BFSP1: variants seen among roughly 807,000 people sequenced by gnomAD.
The protein encoded by BFSP1 is filensin.
In BFSP1, 38 loss-of-function variants were observed where a neutral mutation model predicts 43.9. The ratio of observed to expected loss-of-function variants is 0.87; its 90% CI spans 0.67 to 1.14. The LOEUF (loss-of-function observed/expected upper bound fraction) is 1.14, where lower values mean the gene tolerates loss of function less well. Among genes scored for constraint, BFSP1 ranks in the 50% most tolerant of loss-of-function variants. BFSP1 has a pLI of 0.00. For synonymous variants in BFSP1, 352 were observed against 354.8 expected, an observed-to-expected ratio of 0.99 and a Z score of 0.09; for missense variants, 850 against 875.1, an observed-to-expected ratio of 0.97 and a Z score of 0.36.
chr20:17,525,931 G>C lies in BFSP1; in HGVS notation c.378-1023C>G, dbSNP rs746653601. On this transcript the variant is annotated intron_variant, in intron 1 of 7. Coordinates refer to ENST00000377873, the MANE Select transcript of BFSP1 (RefSeq NM_001195.5). This position sits in a 1 kb window ranked among gnomAD's most constrained non-coding sequence, Gnocchi z 4.2. Reference sequence around the variant, plus strand: ...AAGTAATGGTGTATGTGTGCCCTTTGCTTCTCATTTTCCATCCCTCCCTCC... The same window carrying C: ...AAGTAATGGTGTATGTGTGCCCTTTCCTTCTCATTTTCCATCCCTCCCTCC... Among the ~76,000 whole-genome samples, 3 of 151,954 alleles carry C rather than the reference G, an allele frequency of 2.0e-5. No individual in the cohort carries two copies. Among genetic ancestry groups the C allele is most frequent in the Non-Finnish European group, 4.4e-5 (3 of 68,022 alleles).
At chr20:17,529,663 A>G (rs993064534) in intron 1 of BFSP1, among the ~76,000 whole-genome samples, 1 of 152,192 alleles carries the variant, frequency 6.6e-6, no homozygotes, top group Admixed American at 6.5e-5. Flanking sequence ...TGGAGGAAGC[A>G]CCTGTCTCCT....
At chr20:17,556,873 T>C (rs2035000875) in intron 1 of BFSP1, among the ~76,000 whole-genome samples, 1 of 152,214 alleles carries the variant, frequency 6.6e-6, no homozygotes, top group African/African-American at 2.4e-5. Flanking sequence ...GATAAATCTG[T>C]ATTTTTTTAA....
chr20:17,530,440 T>A (rs1450016937), intron 1 of BFSP1, among the ~76,000 whole-genome samples: 1 of 152,256 alleles, frequency 6.6e-6, no homozygotes, highest in Non-Finnish European at 1.5e-5. Flanking sequence ...ACCAATGTGC[T>A]GAGCAAAAGA....
At chr20:17,533,445 G>C (rs770071565), upstream of BFSP1, among the ~76,000 whole-genome samples, 20 of 151,552 alleles carry the variant, frequency 1.3e-4, no homozygotes, top group Non-Finnish European at 2.5e-4. Context: ...ATTCCCTGGG[G>C]CTGGGAGCTC....
intron 1 of BFSP1, among the ~76,000 whole-genome samples, chr20:17,557,051 C>T (rs2035004053): frequency 6.6e-6 from 1 of 152,170 alleles, no homozygotes; most frequent in African/African-American, 2.4e-5. Flanking sequence ...CTGCTGCCTC[C>T]CTGGCTGCCA....
At position 17,507,780 on chromosome 20, in the gene BFSP1, G is replaced by A. The variant is rs56884737; in HGVS notation, c.735+1109C>T. On this transcript the variant is annotated intron_variant, in intron 5 of 7. Transcript: ENST00000377873. This position sits in a 1 kb window ranked among gnomAD's most constrained non-coding sequence, Gnocchi z 4.4. ...GCCAGGGTTTGTCTCACAAGAAGGAGGAGTTTTAAGTGCCTTACTTGGTTC... is the reference window on the plus strand; with the variant it reads ...GCCAGGGTTTGTCTCACAAGAAGGAAGAGTTTTAAGTGCCTTACTTGGTTC... 0.032 allele frequency among the ~76,000 whole-genome samples: 4,830 copies of A among 152,268 alleles called. 187 individuals carry two copies. Among genetic ancestry groups the A allele is most frequent in the South Asian group, 0.11 (509 of 4,820 alleles).
rs754162101 is a variant in BFSP1, at chr20:17,494,225, G to A, written c.1847C>T (p.Ala616Val). The change falls in exon 8 of 8, where the codon GCT (alanine) becomes GTT (valine). Residue 616 changes from alanine to valine, a missense_variant. Transcript: ENST00000377873. ...RSLPEKGPPK[A>V]LAYKTVEVVE... ...CACTTCCACTGTCTTATAGGCCAAA[G>A]CCTTGGGAGGGCCTTTTTCTGGCAG... is the stretch of plus-strand genomic sequence containing the variant. The A allele has an allele frequency of 2.5e-6, 4 of 1,614,018 alleles. No homozygotes were observed. In the South Asian group the frequency reaches 3.3e-5, roughly 13 times the overall value.
At position 17,540,784 on chromosome 20, in the gene BFSP1, T is replaced by C. The variant is rs184136713; in HGVS notation, c.3-15876A>G. 8.9e-4 allele frequency among the ~76,000 whole-genome samples: 136 copies of C among 152,210 alleles called. 2 individuals carry two copies. The highest frequency in any genetic ancestry group is 3.1e-3 in the African/African-American group (129 of 41,514). ...GTCACTGTCAGGAGATCAAAAAGAC[T>C]CCCTTCCTGCTTCCCTTCTGCTCTG... On this transcript the variant is annotated intron_variant, in intron 1 of 7. Coordinates refer to the BFSP1 transcript ENST00000377868.
At position 17,509,376 on chromosome 20, in the gene BFSP1, C is replaced by T. The variant is rs910262144; in HGVS notation, c.628-380G>A. 6.7e-4 allele frequency among the ~76,000 whole-genome samples: 102 copies of T among 152,210 alleles called. 1 individual carries two copies. Among genetic ancestry groups the T allele is most frequent in the African/African-American group, 2.2e-3 (91 of 41,550 alleles). On this transcript the variant is annotated intron_variant, in intron 4 of 7. Transcript: ENST00000377873. ...GATCTTGGACTTCCAGCACCCAGGACAGTGAGAAGTAAATGTCTGCCTGTC... is the reference window on the plus strand; with the variant it reads ...GATCTTGGACTTCCAGCACCCAGGATAGTGAGAAGTAAATGTCTGCCTGTC...
At chr20:17,566,403 G>A (rs1196775978) in intron 1 of BFSP1, among the ~76,000 whole-genome samples, 1 of 152,116 alleles carries the variant, frequency 6.6e-6, no homozygotes, top group Admixed American at 6.5e-5. Flanking sequence ...TTTTCTAAAC[G>A]AAATTGAAAT....
chr20:17,545,850 A>G (rs957283418), intron 1 of BFSP1, among the ~76,000 whole-genome samples: 19 of 152,246 alleles, frequency 1.2e-4, no homozygotes, highest in African/African-American at 4.6e-4. Context: ...CCACCTGCAC[A>G]TTGGCACAGC....
chr20:17,533,742 A>C (rs944099845), upstream of BFSP1, among the ~76,000 whole-genome samples: 1 of 152,258 alleles, frequency 6.6e-6, no homozygotes, highest in Non-Finnish European at 1.5e-5. Flanking sequence ...ATCAGGACCC[A>C]CAACTCAATC....
At chr20:17,495,754 G>A (rs909158946) in intron 7 of BFSP1, among the ~76,000 whole-genome samples, 2 of 152,148 alleles carry the variant, frequency 1.3e-5, no homozygotes, top group African/African-American at 4.8e-5. Context: ...TTCTCACCTG[G>A]TATAATCTAT....
At chr20:17,547,570 A>G (rs931207356) in intron 1 of BFSP1, among the ~76,000 whole-genome samples, 4 of 152,234 alleles carry the variant, frequency 2.6e-5, no homozygotes, top group Non-Finnish European at 4.4e-5. Flanking sequence ...ATAGCACCCA[A>G]TGATAATTAA....
Position 17,531,133 on chromosome 20 carries a change from G to A in BFSP1, c.197C>T (p.Ala66Val). ...QRARALEQRH[A>V]GLRRQLDAFQ... ...GGCATCCAGCTGCCTCCGGAGCCCG[G>A]CATGGCGCTGCTCGAGGGCGCGGGC... The change falls in exon 1 of 8, where the codon GCC (alanine) becomes GTC (valine). Residue 66 changes from alanine (A) to valine (V), a missense_variant. Transcript: ENST00000377873. The A allele has an allele frequency of 7.5e-7, 1 of 1,330,340 alleles. No individual in the cohort carries two copies. Among genetic ancestry groups the A allele is most frequent in the Non-Finnish European group, 9.6e-7 (1 of 1,043,502 alleles). 82.4% of individuals were successfully genotyped at this position (1,330,340 alleles called of 1,614,324 possible).
At chr20:17,496,637 G>T (rs993446536) in intron 7 of BFSP1, among the ~76,000 whole-genome samples, 1 of 152,166 alleles carries the variant, frequency 6.6e-6, no homozygotes, top group African/African-American at 2.4e-5. Flanking sequence ...GCCTTGTGTT[G>T]CAAAAGTTAT....
chr20:17,531,168 G>A lies in BFSP1; in HGVS notation c.162C>T (p.His54=). ...LQGLGERVAA[H]VQRARALEQR... ...GCTCGAGGGCGCGGGCCCGCTGGAC[G>A]TGGGCGGCCACGCGCTCGCCGAGCC... is the stretch of plus-strand genomic sequence containing the variant. Residue 54 remains histidine (H), a synonymous_variant, in exon 1 of 8, where the codon CAC becomes CAT. Coordinates refer to ENST00000377873, the MANE Select transcript of BFSP1 (RefSeq NM_001195.5). 7.7e-7 allele frequency: 1 copy of A among 1,293,890 alleles called. No individual in the cohort carries two copies. The highest frequency in any genetic ancestry group is 9.8e-7 in the Non-Finnish European group (1 of 1,023,570). 80.2% of individuals were successfully genotyped at this position (1,293,890 alleles called of 1,614,324 possible). A position where few individuals can be genotyped will look rare whatever the true frequency, so the allele number is the denominator to read the frequency against.
intron 1 of BFSP1, among the ~76,000 whole-genome samples, chr20:17,548,695 T>A (rs896168389): frequency 6.6e-6 from 1 of 152,242 alleles, no homozygotes; most frequent in African/African-American, 2.4e-5. Flanking sequence ...TCTAAAAGCA[T>A]AACATTTCAG....
chr20:17,509,687 G>A (rs1198460003), intron 4 of BFSP1, among the ~76,000 whole-genome samples: 13 of 152,150 alleles, frequency 8.5e-5, no homozygotes, highest in South Asian at 2.1e-4. Context: ...GGTTGGAGCC[G>A]CGAGCCATAC....
Sources: allele counts gnomAD v4.1 joint callset (sites outside exome capture counted in the v4.1 genomes callset), GRCh38; gene constraint gnomAD v4.1.1; non-coding constraint Gnocchi (gnomAD v3.1); transcripts MANE v1.5; gene names NCBI Gene and HGNC (gene_info 2026-07-23, HGNC 2026-07-21).